Variants in SLC39A11 observed in about 807,000 individuals in gnomAD.
SLC39A11 encodes zinc transporter ZIP11.
In SLC39A11, 33 loss-of-function variants were observed where a neutral mutation model predicts 36.1. The ratio of observed to expected loss-of-function variants is 0.91; its 90% CI spans 0.69 to 1.22. The LOEUF (loss-of-function observed/expected upper bound fraction) is 1.22, where lower values mean the gene tolerates loss of function less well. Among genes scored for constraint, SLC39A11 ranks in the 50% most tolerant of loss-of-function variants. The pLI is 0.00. For missense variants in SLC39A11, 432 were observed against 430.3 expected (o/e 1.00, Z -0.03); for synonymous variants, 166 against 170.3 (o/e 0.97, Z 0.20).
chr17:73,012,809 T>G (rs1306843059), intron 4 of SLC39A11, among the ~76,000 whole-genome samples: 1 of 152,094 alleles, frequency 6.6e-6, no homozygotes, highest in Admixed American at 6.6e-5. Flanking sequence ...TATTTATTTA[T>G]TTATTTAGAG....
At chr17:72,791,767 C>G (rs2076712545) in intron 6 of SLC39A11, among the ~76,000 whole-genome samples, 3 of 152,152 alleles carry the variant, frequency 2.0e-5, no homozygotes. Flanking sequence ...CTCACAAGAT[C>G]TGATGGTTTT....
chr17:72,802,425 A>G (rs907895606), intron 6 of SLC39A11, among the ~76,000 whole-genome samples: 8 of 151,968 alleles, frequency 5.3e-5, no homozygotes, highest in African/African-American at 1.9e-4. Flanking sequence ...ACCCGTCTCT[A>G]CTAAAAACAC....
chr17:73,013,343 C>A (rs2090628797), intron 4 of SLC39A11, among the ~76,000 whole-genome samples: 1 of 152,240 alleles, frequency 6.6e-6, no homozygotes, highest in Non-Finnish European at 1.5e-5. Flanking sequence ...CCACCTCAGC[C>A]TCCCAAAGTG....
intron 6 of SLC39A11, among the ~76,000 whole-genome samples, chr17:72,757,360 T>C (rs1185535506): frequency 6.6e-6 from 1 of 152,106 alleles, no homozygotes; most frequent in East Asian, 1.9e-4. Flanking sequence ...CCCCCTAGGA[T>C]GCTGTGATGA....
chr17:72,810,837 C>A (rs1280190157), intron 6 of SLC39A11, among the ~76,000 whole-genome samples: 1 of 151,970 alleles, frequency 6.6e-6, no homozygotes, highest in Admixed American at 6.6e-5. Flanking sequence ...AGGTGCACAC[C>A]ACTACATCCG....
At chr17:73,014,761 G>A (rs530399728) in intron 4 of SLC39A11, among the ~76,000 whole-genome samples, 12 of 152,308 alleles carry the variant, frequency 7.9e-5, no homozygotes, top group African/African-American at 2.2e-4. Flanking sequence ...CGCTCCCAGC[G>A]TCATCTGACC....
At chr17:72,763,402 A>G (rs2075658168) in intron 6 of SLC39A11, among the ~76,000 whole-genome samples, 1 of 152,236 alleles carries the variant, frequency 6.6e-6, no homozygotes, top group Non-Finnish European at 1.5e-5. Context: ...CAAGACCCAG[A>G]ACCGACATCA....
At chr17:72,662,821 A>G (rs957926583) in intron 7 of SLC39A11, among the ~76,000 whole-genome samples, 7 of 152,142 alleles carry the variant, frequency 4.6e-5, no homozygotes, top group Admixed American at 4.6e-4. Context: ...AGAGAGAAAG[A>G]AAGAGAAAGA....
chr17:72,869,880 T>C (rs1039527406), intron 5 of SLC39A11, among the ~76,000 whole-genome samples: 5 of 152,146 alleles, frequency 3.3e-5, no homozygotes, highest in Admixed American at 1.3e-4. Flanking sequence ...CCCCCAAGTA[T>C]TTCTTCCCAC....
intron 7 of SLC39A11, among the ~76,000 whole-genome samples, chr17:72,731,647 C>T (rs938163019): frequency 2.6e-5 from 4 of 152,106 alleles, no homozygotes; most frequent in Admixed American, 2.0e-4. Flanking sequence ...TTTCCCCTAT[C>T]GCTAGCATCT....
chr17:72,843,895 C>T (rs540546875), intron 6 of SLC39A11, among the ~76,000 whole-genome samples: 158 of 152,258 alleles, frequency 1.0e-3, no homozygotes, highest in Non-Finnish European at 1.9e-3. Flanking sequence ...TGTGGCCTCA[C>T]ACTCTGGATA....
intron 3 of SLC39A11, among the ~76,000 whole-genome samples, chr17:73,079,492 A>G (rs1254510546): frequency 6.6e-6 from 1 of 152,174 alleles, no homozygotes; most frequent in Non-Finnish European, 1.5e-5. Flanking sequence ...GAAGAGACAT[A>G]CCTTAAGGTA....
At chr17:72,806,264 C>T (rs1347301291) in intron 6 of SLC39A11, among the ~76,000 whole-genome samples, 2 of 152,122 alleles carry the variant, frequency 1.3e-5, no homozygotes, top group African/African-American at 2.4e-5. Context: ...GGGTACAAGT[C>T]TGAAAACATC....
intron 4 of SLC39A11, among the ~76,000 whole-genome samples, chr17:73,008,155 T>C (rs1163628988): frequency 1.4e-5 from 1 of 70,584 alleles, no homozygotes; most frequent in Non-Finnish European, 4.6e-5. Context: ...GGGTTTGTTG[T>C]TTTTTTTTTG....
chr17:72,837,869 G>T, intron 6 of SLC39A11: 3 of 1,039,876 alleles, frequency 2.9e-6, no homozygotes, highest in African/African-American at 1.7e-5. Flanking sequence ...GTAGATTAGT[G>T]CAGGGGCTGG....
chr17:72,715,022 C>A (rs538147599), intron 7 of SLC39A11, among the ~76,000 whole-genome samples: 1 of 152,200 alleles, frequency 6.6e-6, no homozygotes, highest in African/African-American at 2.4e-5. Flanking sequence ...TTTTTCCTCT[C>A]GTGATGTCTA....
At chr17:72,651,545 T>G (rs1477468684) in intron 7 of SLC39A11, among the ~76,000 whole-genome samples, 1 of 151,786 alleles carries the variant, frequency 6.6e-6, no homozygotes, top group African/African-American at 2.4e-5. Context: ...GTAACAGAAG[T>G]GATGGAGAAT....
intron 3 of SLC39A11, among the ~76,000 whole-genome samples, chr17:73,078,020 C>CCT (rs1418136090): frequency 1.1e-4 from 17 of 152,100 alleles, no homozygotes; most frequent in African/African-American, 4.1e-4. Flanking sequence ...GGGTGGATCA[C>CCT]AAGGTCAGGA....
chr17:73,091,368 C>G (rs557411962), intron 1 of SLC39A11, among the ~76,000 whole-genome samples: 2 of 151,976 alleles, frequency 1.3e-5, no homozygotes, highest in African/African-American at 4.8e-5. Flanking sequence ...CGCTTGAACC[C>G]GGGAGGCGGA....
Sources: allele counts gnomAD v4.1 joint callset (sites outside exome capture counted in the v4.1 genomes callset), GRCh38; gene constraint gnomAD v4.1.1; transcripts MANE v1.5; gene names NCBI Gene and HGNC (gene_info 2026-07-23, HGNC 2026-07-21).